Variants in PDE4D observed in about 807,000 individuals in gnomAD.
PDE4D encodes phosphodiesterase 4D.
Under a neutral mutation model 87.4 loss-of-function variants are expected in PDE4D, and 24 were observed. That is an observed-to-expected ratio of 0.27 (90% CI 0.20 to 0.39). PDE4D has a LOEUF of 0.39. PDE4D is among the 10% of genes least tolerant of loss of function. The pLI, the probability that PDE4D is intolerant of heterozygous loss-of-function variation, is 1.00. For missense variants in PDE4D, 714 were observed against 1,041.0 expected, an observed-to-expected ratio of 0.69 and a Z score of 4.32; for synonymous variants, 384 against 383.2, an observed-to-expected ratio of 1.00 and a Z score of -0.02.
At chr5:60,115,174 A>G (rs535192064) in intron 2 of PDE4D, among the ~76,000 whole-genome samples, 1 of 152,228 alleles carries the variant, frequency 6.6e-6, no homozygotes, top group East Asian at 1.9e-4. Context: ...TGTGGGGTAC[A>G]CTGTTAACAT....
intron 1 of PDE4D, among the ~76,000 whole-genome samples, chr5:59,639,484 C>G (rs1262276736): frequency 6.6e-6 from 1 of 152,036 alleles, no homozygotes; most frequent in African/African-American, 2.4e-5. Flanking sequence ...TGAGGGAGAG[C>G]AGAAAGGATA....
chr5:60,475,144 C>CT (rs1457985838), intron 1 of PDE4D, among the ~76,000 whole-genome samples: 4 of 152,132 alleles, frequency 2.6e-5, no homozygotes, highest in South Asian at 2.1e-4. Flanking sequence ...CTTCTCCCCC[C>CT]TAATGTTATG....
chr5:60,105,206 G>A (rs565081461), intron 2 of PDE4D, among the ~76,000 whole-genome samples: 276 of 152,310 alleles, frequency 1.8e-3, no homozygotes, highest in African/African-American at 6.1e-3. Context: ...TGAGAACTAC[G>A]TGAAGAATGC....
chr5:60,361,091 G>A lies in PDE4D; in HGVS notation c.-90+126851C>T, dbSNP rs545811321. Among the ~76,000 whole-genome samples, 8 of 152,292 alleles carry A rather than the reference G, an allele frequency of 5.3e-5. No homozygotes were observed. In the South Asian group the frequency reaches 1.5e-3, roughly 28 times the overall value. ...GAACCTTCTCTGCATGCATTGAGAT[G>A]TATTCATTTCTGAGCTCAGCTAAGT... is the stretch of plus-strand genomic sequence containing the variant. On this transcript the variant is annotated intron_variant, in intron 1 of 16. Coordinates refer to the PDE4D transcript ENST00000502484.
chr5:59,502,481 A>G (rs979702910), intron 1 of PDE4D, among the ~76,000 whole-genome samples: 1 of 152,124 alleles, frequency 6.6e-6, no homozygotes, highest in South Asian at 2.1e-4. Context: ...CTTCTACCCA[A>G]TTAAAACTTG....
intron 2 of PDE4D, among the ~76,000 whole-genome samples, chr5:60,045,830 T>C (rs1769167173): frequency 6.6e-6 from 1 of 152,216 alleles, no homozygotes; most frequent in African/African-American, 2.4e-5. Flanking sequence ...GGCTTAGGAT[T>C]GACTTGGTGA....
At chr5:59,882,085 T>C (rs1389496815) in intron 1 of PDE4D, among the ~76,000 whole-genome samples, 1 of 152,226 alleles carries the variant, frequency 6.6e-6, no homozygotes, top group Non-Finnish European at 1.5e-5. Context: ...ATTTCAGCTA[T>C]TTATGGCAGT....
At chr5:60,501,970 G>A (rs1201265386) in intron 1 of PDE4D, among the ~76,000 whole-genome samples, 2 of 152,090 alleles carry the variant, frequency 1.3e-5, no homozygotes, top group African/African-American at 2.4e-5. Context: ...CACTCTGATG[G>A]TAGTTTCTTT....
chr5:59,208,048 T>C (rs1749212773), intron 2 of PDE4D, among the ~76,000 whole-genome samples: 3 of 150,464 alleles, frequency 2.0e-5, no homozygotes, highest in South Asian at 2.1e-4. Flanking sequence ...GTACCTGTAA[T>C]CCCAGCTACT....
At chr5:59,985,072 G>A (rs1031341004) in intron 3 of PDE4D, among the ~76,000 whole-genome samples, 3 of 151,416 alleles carry the variant, frequency 2.0e-5, no homozygotes, top group Non-Finnish European at 2.9e-5. Flanking sequence ...GGAATCTGGG[G>A]CTCCTGGTTA....
At chr5:59,875,460 C>CAAAAAAAAAAAAAA (rs3062667) in intron 1 of PDE4D, among the ~76,000 whole-genome samples, 10 of 39,698 alleles carry the variant, frequency 2.5e-4, no homozygotes, top group African/African-American at 1.0e-3. Flanking sequence ...ACCTCCGTCT[C>CAAAAAAAAAAAAAA]AAAAAAAAAA....
chr5:59,649,932 T>A (rs894920731), intron 1 of PDE4D, among the ~76,000 whole-genome samples: 1 of 141,746 alleles, frequency 7.1e-6, no homozygotes. Context: ...TTTTTTTTTT[T>A]AGCAATGACC....
intron 1 of PDE4D, among the ~76,000 whole-genome samples, chr5:59,439,631 G>A (rs1244707685): frequency 6.6e-6 from 1 of 152,102 alleles, no homozygotes; most frequent in African/African-American, 2.4e-5. Context: ...TAGGTAAATG[G>A]ACATAGTAAG....
At chr5:59,162,853 CAAA>C (rs368976708) in intron 5 of PDE4D, among the ~76,000 whole-genome samples, 1 of 121,586 alleles carries the variant, frequency 8.2e-6, no homozygotes. Flanking sequence ...GACCCTGCAT[CAAA>C]AAAAAAAAAA....
At chr5:59,751,240 C>T (rs1229380811) in intron 1 of PDE4D, among the ~76,000 whole-genome samples, 2 of 152,118 alleles carry the variant, frequency 1.3e-5, no homozygotes, top group Admixed American at 1.3e-4. Flanking sequence ...AAGGCACAGT[C>T]CTCACGTAAA....
At chr5:59,665,914 G>T (rs530166984) in intron 1 of PDE4D, among the ~76,000 whole-genome samples, 1 of 152,254 alleles carries the variant, frequency 6.6e-6, no homozygotes, top group East Asian at 1.9e-4. Flanking sequence ...GGACTCCCCA[G>T]CCTCCAGCAC....
chr5:59,474,341 T>G (rs1197329153), intron 1 of PDE4D, among the ~76,000 whole-genome samples: 1 of 152,088 alleles, frequency 6.6e-6, no homozygotes. Flanking sequence ...TTAACATCAA[T>G]CAAATCTCCA....
intron 2 of PDE4D, among the ~76,000 whole-genome samples, chr5:60,167,563 C>T (rs1582941563): frequency 1.3e-5 from 2 of 152,142 alleles, no homozygotes; most frequent in South Asian, 4.1e-4. Context: ...TTTAAGTTTA[C>T]AGATTCTTTT....
chr5:59,069,415 T>G (rs1164896202), intron 5 of PDE4D, among the ~76,000 whole-genome samples: 2 of 152,282 alleles, frequency 1.3e-5, no homozygotes, highest in Admixed American at 1.3e-4. Flanking sequence ...GATATTTCAG[T>G]GGTGCTCGTA....
Sources: allele counts gnomAD v4.1 joint callset (sites outside exome capture counted in the v4.1 genomes callset), GRCh38; gene constraint gnomAD v4.1.1; transcripts MANE v1.5; gene names NCBI Gene and HGNC (gene_info 2026-07-23, HGNC 2026-07-21).